ZNF782: variants seen among roughly 807,000 people sequenced by gnomAD.
ZNF782 encodes the protein zinc finger protein 782.
In ZNF782, 12 loss-of-function variants were observed where a neutral mutation model predicts 13.0. The ratio of observed to expected loss-of-function variants is 0.92; its 90% CI spans 0.59 to 1.50. ZNF782 has a LOEUF of 1.50. ZNF782 is among the 40% of genes most tolerant of loss of function. The pLI is 0.00. For synonymous variants in ZNF782, 284 were observed against 283.0 expected (o/e 1.00, Z -0.04); for missense variants, 770 against 822.9 (o/e 0.94, Z 0.79).
chr9:96,816,952 G>A lies in ZNF782; in HGVS notation c.*971C>T, dbSNP rs1449370439. ...TCCTAAGTTTTATTATGTGAGGGTT[G>A]TTGAGTTTCTGTCAGTATCAAGTAT... On this transcript the variant is annotated 3_prime_UTR_variant, in exon 6 of 6. Transcript: ENST00000481138. The A allele has an allele frequency of 1.3e-5, 2 of 152,210 alleles. No individual in the cohort carries two copies. The highest frequency in any genetic ancestry group is 2.9e-5 in the Non-Finnish European group (2 of 68,038). The allele number at this position is 152,210 out of a possible 1,614,324, so 9.4% of individuals were successfully genotyped here.
At chr9:96,932,595 T>C in the ZNF782 span, among the ~76,000 whole-genome samples, 1 of 152,146 alleles carries the variant, frequency 6.6e-6, no homozygotes, top group African/African-American at 2.4e-5. Context: ...CAGGACAGAC[T>C]GTCAGGGGCC....
the ZNF782 span, among the ~76,000 whole-genome samples, chr9:96,917,947 GC>G: frequency 1.5e-5 from 2 of 137,558 alleles, no homozygotes; most frequent in African/African-American, 6.6e-5. Flanking sequence ...GGTCTGTGTT[GC>G]CCAGGCTGGT....
the ZNF782 span, among the ~76,000 whole-genome samples, chr9:96,930,929 C>G: frequency 9.7e-6 from 1 of 103,208 alleles, no homozygotes; most frequent in Non-Finnish European, 1.8e-5. Context: ...GAGTCTCGCT[C>G]TGTCACCCGG....
At chr9:96,928,124 C>T in the ZNF782 span, among the ~76,000 whole-genome samples, 1 of 151,712 alleles carries the variant, frequency 6.6e-6, no homozygotes, top group African/African-American at 2.4e-5. Flanking sequence ...GAAGGCTGGT[C>T]ATTGCCTATT....
chr9:96,908,134 C>T, the ZNF782 span, among the ~76,000 whole-genome samples: 2 of 151,774 alleles, frequency 1.3e-5, no homozygotes, highest in Non-Finnish European at 2.9e-5. Flanking sequence ...AGTGCCCAGG[C>T]CAGTGCCTAA....
upstream of ZNF782, among the ~76,000 whole-genome samples, chr9:96,877,714 G>T (rs1331333596): frequency 1.3e-5 from 2 of 152,188 alleles, no homozygotes; most frequent in Non-Finnish European, 2.9e-5. Flanking sequence ...AAAGAAACTG[G>T]TCTCCCTGCC....
chr9:96,851,882 A>C, intron 3 of ZNF782, 65 bp downstream of exon 3: 1 of 1,437,344 alleles, frequency 7.0e-7, no homozygotes, highest in Non-Finnish European at 9.8e-7. Context: ...CATTTAATGC[A>C]AGGGCCTATC....
chr9:96,892,726 A>T, the ZNF782 span: 1 of 152,156 alleles, frequency 6.6e-6, no homozygotes, highest in Admixed American at 6.5e-5. Flanking sequence ...TAATTTTTTT[A>T]AATTGAGATA....
At chr9:96,820,769 C>T (rs999052540) in intron 5 of ZNF782, among the ~76,000 whole-genome samples, 1 of 152,050 alleles carries the variant, frequency 6.6e-6, no homozygotes, top group Non-Finnish European at 1.5e-5. Flanking sequence ...AGGCTGGTCT[C>T]GAACTCCTGA....
chr9:96,880,884 T>C, the ZNF782 span, among the ~76,000 whole-genome samples: 2 of 152,186 alleles, frequency 1.3e-5, no homozygotes, highest in Admixed American at 6.5e-5. Context: ...AAGTTTGGTA[T>C]AATTACCCAA....
intron 4 of ZNF782, among the ~76,000 whole-genome samples, chr9:96,832,764 T>C (rs1238884364): frequency 6.6e-6 from 1 of 152,256 alleles, no homozygotes; most frequent in Non-Finnish European, 1.5e-5. Context: ...TATCTTTAGT[T>C]GTCAGAAGTT....
chr9:96,853,923 T>C (rs548549313), intron 1 of ZNF782, among the ~76,000 whole-genome samples, 165 bp downstream of exon 1: 27 of 152,370 alleles, frequency 1.8e-4, no homozygotes, highest in Admixed American at 1.8e-3. Flanking sequence ...GCTCATGGCT[T>C]AGTAGCCTAC....
chr9:96,820,897 G>A (rs751702941), intron 5 of ZNF782, among the ~76,000 whole-genome samples: 70 of 152,080 alleles, frequency 4.6e-4, no homozygotes, highest in Non-Finnish European at 1.3e-4. Context: ...TGTCTTTTCA[G>A]TTTGCTCACT....
At chr9:96,895,050 G>A in the ZNF782 span, 1 of 152,178 alleles carries the variant, frequency 6.6e-6, no homozygotes, top group Non-Finnish European at 1.5e-5. Flanking sequence ...TTATGACTAT[G>A]AGAAATAAAT....
intron 5 of ZNF782, among the ~76,000 whole-genome samples, chr9:96,825,673 T>C (rs941952218): frequency 5.9e-5 from 9 of 152,130 alleles, no homozygotes; most frequent in African/African-American, 2.2e-4. Context: ...AAAGGGCTAA[T>C]ATCCAGAATC....
At chr9:96,867,361 C>T (rs550046274) in intron 1 of ZNF782, among the ~76,000 whole-genome samples, 31 of 152,334 alleles carry the variant, frequency 2.0e-4, no homozygotes, top group Admixed American at 2.0e-3. Flanking sequence ...CCACATAAGA[C>T]ATGACTTGCT....
the ZNF782 span, among the ~76,000 whole-genome samples, chr9:96,913,143 C>T: frequency 4.6e-5 from 7 of 151,708 alleles, no homozygotes; most frequent in Non-Finnish European, 8.8e-5. Context: ...GGTGAAACCC[C>T]GTCTCTACTA....
chr9:96,929,176 C>T, the ZNF782 span: 1 of 1,407,856 alleles, frequency 7.1e-7, no homozygotes, highest in Non-Finnish European at 9.9e-7. Context: ...GGACATCACA[C>T]CTGGGGATGG....
the ZNF782 span, among the ~76,000 whole-genome samples, chr9:96,913,001 T>A: frequency 6.6e-6 from 1 of 151,822 alleles, no homozygotes; most frequent in Non-Finnish European, 1.5e-5. Context: ...TTCAAAAATA[T>A]CAAGGTTATT....
Sources: gnomAD v4.1 joint callset for allele counts (sites outside exome capture counted in the v4.1 genomes callset) on GRCh38, gnomAD v4.1.1 for gene constraint, MANE v1.5 for transcripts, NCBI Gene and HGNC (gene_info 2026-07-23, HGNC 2026-07-21) for gene names.